INPP4B: variants seen among roughly 807,000 people sequenced by gnomAD.
INPP4B encodes the protein inositol polyphosphate-4-phosphatase type II B.
A neutral mutation model predicts 122.5 loss-of-function variants in INPP4B; 55 were observed. The observed-to-expected ratio is 0.45, with a 90% confidence interval of 0.36 to 0.56. The LOEUF is 0.56. INPP4B is among the 20% of genes least tolerant of loss of function. The pLI is 0.00. For synonymous variants in INPP4B, 403 were observed against 388.7 expected (o/e 1.04, Z -0.43); for missense variants, 1,000 against 1,097.7 (o/e 0.91, Z 1.26).
chr4:142,026,569 C>T lies in INPP4B; in HGVS notation c.*2213G>A, dbSNP rs336357. ...GCAACCTCCGCCTCCGGGGTTCAAG[C>T]GATTCTCTTGCCTCAGCCTCCCAAG... is the stretch of plus-strand genomic sequence containing the variant. On this transcript the variant is annotated 3_prime_UTR_variant, in exon 26 of 26. Coordinates refer to ENST00000262992, the MANE Select transcript of INPP4B (RefSeq NM_001101669.3). 0.1 allele frequency: 15,931 copies of T among 152,490 alleles called. 1,535 individuals are homozygous for T. The highest frequency in any genetic ancestry group is 0.26 in the African/African-American group (10,680 of 41,496). 9.4% of individuals were successfully genotyped at this position (152,490 alleles called of 1,614,324 possible). A position where few individuals can be genotyped will look rare whatever the true frequency, so the allele number is the denominator to read the frequency against.
chr4:142,356,203 A>G (rs191765860), intron 7 of INPP4B, among the ~76,000 whole-genome samples: 42 of 149,636 alleles, frequency 2.8e-4, no homozygotes, highest in Non-Finnish European at 4.9e-4. Context: ...ATATTGGCAG[A>G]ATACCTTTAA....
intron 7 of INPP4B, among the ~76,000 whole-genome samples, chr4:142,368,050 T>G (rs1274269741): frequency 6.6e-6 from 1 of 152,196 alleles, no homozygotes; most frequent in African/African-American, 2.4e-5. Context: ...ACTTTTCTAC[T>G]AAGCCATGCT....
chr4:142,656,794 AT>A (rs199713551), intron 2 of INPP4B, among the ~76,000 whole-genome samples: 6 of 151,610 alleles, frequency 4.0e-5, no homozygotes, highest in South Asian at 2.1e-4. Context: ...GCCCTTAAAG[AT>A]TTTTTTTTCC....
At chr4:142,655,004 C>A (rs1753857653) in intron 2 of INPP4B, among the ~76,000 whole-genome samples, 1 of 152,098 alleles carries the variant, frequency 6.6e-6, no homozygotes, top group Admixed American at 6.5e-5. Context: ...GTATATGCAA[C>A]AGTCACCTTC....
intron 18 of INPP4B, among the ~76,000 whole-genome samples, chr4:142,142,671 A>G (rs1486718948): frequency 6.6e-6 from 1 of 152,128 alleles, no homozygotes; most frequent in Non-Finnish European, 1.5e-5. Context: ...ACAGAAATCA[A>G]TCTGAATAAG....
chr4:142,108,300 G>A (rs1788189954), intron 22 of INPP4B, 110 bp from the exon 23 acceptor site: 1 of 670,078 alleles, frequency 1.5e-6, no homozygotes, highest in Non-Finnish European at 2.6e-6. Flanking sequence ...TAAGGAAAGA[G>A]TCTGTCTCAT....
intron 2 of INPP4B, among the ~76,000 whole-genome samples, chr4:142,545,941 T>A (rs1229655598): frequency 2.0e-5 from 3 of 151,738 alleles, no homozygotes; most frequent in Non-Finnish European, 4.4e-5. Flanking sequence ...TTTTTTTAAT[T>A]TTTATTTTTA....
chr4:142,645,313 T>G (rs1751501363), intron 2 of INPP4B, among the ~76,000 whole-genome samples: 1 of 152,196 alleles, frequency 6.6e-6, no homozygotes, highest in Non-Finnish European at 1.5e-5. Flanking sequence ...ATGGATAATG[T>G]CAGTACAACA....
chr4:142,155,680 T>C (rs1436686714), intron 17 of INPP4B, among the ~76,000 whole-genome samples: 1 of 152,060 alleles, frequency 6.6e-6, no homozygotes, highest in East Asian at 1.9e-4. Context: ...CAGGCATAAA[T>C]GGGTTAAGCA....
intron 3 of INPP4B, among the ~76,000 whole-genome samples, chr4:142,446,644 T>C (rs1812972701): frequency 6.6e-6 from 1 of 152,164 alleles, no homozygotes; most frequent in African/African-American, 2.4e-5. Context: ...GTAGATAATA[T>C]TGTGATTTAT....
chr4:142,609,424 C>T (rs1742004862), intron 2 of INPP4B, among the ~76,000 whole-genome samples: 1 of 151,788 alleles, frequency 6.6e-6, no homozygotes, highest in African/African-American at 2.4e-5. Context: ...GAGTTTTTAT[C>T]CTAAAAGAAA....
intron 9 of INPP4B, among the ~76,000 whole-genome samples, chr4:142,289,210 C>T (rs1755247687): frequency 6.6e-6 from 1 of 152,042 alleles, no homozygotes; most frequent in Admixed American, 6.6e-5. Flanking sequence ...TCTCTTATTT[C>T]CTCTATTCAG....
chr4:142,540,788 A>G (rs1828851523), intron 2 of INPP4B, among the ~76,000 whole-genome samples: 1 of 152,218 alleles, frequency 6.6e-6, no homozygotes, highest in African/African-American at 2.4e-5. Context: ...CTACATGCAC[A>G]CACACATAAA....
At chr4:142,084,794 A>G (rs571809103) in intron 24 of INPP4B, among the ~76,000 whole-genome samples, 1 of 152,148 alleles carries the variant, frequency 6.6e-6, no homozygotes, top group Non-Finnish European at 1.5e-5. Context: ...TTGTGTTTAT[A>G]CATGTGTATC....
At chr4:142,214,844 C>T (rs574481070) in intron 12 of INPP4B, among the ~76,000 whole-genome samples, 51 of 152,276 alleles carry the variant, frequency 3.3e-4, no homozygotes, top group Non-Finnish European at 5.9e-4. Context: ...TGAGCCACTG[C>T]GCCCGACCCA....
In INPP4B at chr4:142,025,792, G is replaced by C. The variant is rs904284332; in HGVS notation, c.*2990C>G. On this transcript the variant is annotated 3_prime_UTR_variant, in exon 26 of 26. Transcript: ENST00000262992. ...GGGTCCATGGAGCTCTGCCCTGATT[G>C]GGCAGTTTGTCATTTAGTACAATTT... 1 of 152,124 alleles carries C rather than the reference G, an allele frequency of 6.6e-6. No homozygotes were observed. Among genetic ancestry groups the C allele is most frequent in the Non-Finnish European group, 1.5e-5 (1 of 68,020 alleles). 9.4% of individuals were successfully genotyped at this position (152,124 alleles called of 1,614,324 possible). A position where few individuals can be genotyped will look rare whatever the true frequency, so the allele number is the denominator to read the frequency against.
chr4:142,237,202 C>T (rs929961539), intron 12 of INPP4B, among the ~76,000 whole-genome samples: 6 of 152,044 alleles, frequency 3.9e-5, no homozygotes, highest in African/African-American at 1.4e-4. Flanking sequence ...GAAAGTCTCG[C>T]TACAAATGAG....
intron 2 of INPP4B, among the ~76,000 whole-genome samples, chr4:142,492,991 G>A (rs148433990): frequency 1.8e-3 from 273 of 152,278 alleles, no homozygotes; most frequent in Non-Finnish European, 2.6e-3. Flanking sequence ...ATGCAGCCTT[G>A]GCACATGGTG....
At chr4:142,684,479 T>A (rs541563461) in intron 2 of INPP4B, among the ~76,000 whole-genome samples, 27 of 152,130 alleles carry the variant, frequency 1.8e-4, no homozygotes, top group African/African-American at 5.3e-4. Context: ...TGAAGTCTTC[T>A]ATAAAAATTT....
Sources: gnomAD v4.1 joint callset for allele counts (sites outside exome capture counted in the v4.1 genomes callset) on GRCh38, gnomAD v4.1.1 for gene constraint, MANE v1.5 for transcripts, NCBI Gene and HGNC (gene_info 2026-07-23, HGNC 2026-07-21) for gene names.